The following NRXN3 variants were observed in gnomAD, a reference collection of about 807,000 sequenced individuals.
The protein encoded by NRXN3 is neurexin 3.
Under a neutral mutation model 137.6 loss-of-function variants are expected in NRXN3, and 32 were observed. That is an observed-to-expected ratio of 0.23 (90% CI 0.18 to 0.31). The LOEUF is 0.31. Ranked by LOEUF, NRXN3 falls within the 10% of genes least tolerant of loss-of-function variation. NRXN3 has a pLI of 1.00. For synonymous variants in NRXN3, 798 were observed against 784.5 expected (o/e 1.02, Z -0.29); for missense variants, 1,574 against 2,062.5 (o/e 0.76, Z 4.59).
intron 20 of NRXN3, among the ~76,000 whole-genome samples, chr14:79,839,991 G>C (rs6574528): frequency 0.69 from 102,325 of 147,632 alleles, 39,234 homozygotes; most frequent in Admixed American, 0.77. Context: ...ATGTATGTAT[G>C]TATTTAAACG....
At chr14:78,385,043 T>A (rs944434751) in intron 4 of NRXN3, among the ~76,000 whole-genome samples, 4 of 152,176 alleles carry the variant, frequency 2.6e-5, no homozygotes, top group African/African-American at 7.2e-5. Flanking sequence ...TTAATGGTTG[T>A]CCCATATGCA....
intron 4 of NRXN3, among the ~76,000 whole-genome samples, chr14:78,514,170 C>T (rs1338084618): frequency 6.6e-6 from 1 of 152,104 alleles, no homozygotes; most frequent in African/African-American, 2.4e-5. Flanking sequence ...TTCAGGTTCT[C>T]TCTAGTAAAC....
chr14:78,675,713 G>A (rs971260795), intron 6 of NRXN3, among the ~76,000 whole-genome samples: 9 of 152,078 alleles, frequency 5.9e-5, no homozygotes, highest in Non-Finnish European at 1.3e-4. Flanking sequence ...TTTCTATGGC[G>A]TCTTCTGGGC....
chr14:79,861,521 C>A lies in NRXN3; in HGVS notation c.4273C>A (p.Pro1425Thr). The A allele has an allele frequency of 6.5e-7, 1 of 1,543,900 alleles. No individual in the cohort carries two copies. The highest frequency in any genetic ancestry group is 8.7e-7 in the Non-Finnish European group (1 of 1,148,338). ...CTCGTCTGGGATGGTGCCCAAATTGCCAGCTGGCAAAATGAATAACCGTGA... is the reference window on the plus strand; with the variant it reads ...CTCGTCTGGGATGGTGCCCAAATTGACAGCTGGCAAAATGAATAACCGTGA... ...SSSSGMVPKL[P>T]AGKMNNRDLK... Residue 1425 changes from proline (P) to threonine (T), a missense_variant, in exon 21 of 21, where the codon CCA (proline) becomes ACA (threonine). Pro to Thr is a conservative substitution (Grantham distance 38, BLOSUM62 -1). Transcript: ENST00000335750. The surrounding 1 kb of genome is among the most constrained non-coding windows in gnomAD (Gnocchi z 5.4).
intron 4 of NRXN3, among the ~76,000 whole-genome samples, chr14:78,414,384 C>T (rs937075816): frequency 1.3e-5 from 2 of 152,114 alleles, no homozygotes; most frequent in South Asian, 2.1e-4. Flanking sequence ...CTGTCCTGAT[C>T]TTTGGACCTA....
chr14:79,086,340 A>G (rs1302207889), intron 15 of NRXN3, among the ~76,000 whole-genome samples: 1 of 152,042 alleles, frequency 6.6e-6, no homozygotes, highest in Non-Finnish European at 1.5e-5. Context: ...TTTTTAGACC[A>G]TTTGCCTCTC....
chr14:79,830,906 C>T (rs868021384), intron 20 of NRXN3, among the ~76,000 whole-genome samples: 1 of 152,038 alleles, frequency 6.6e-6, no homozygotes, highest in East Asian at 1.9e-4. Context: ...TTTGGTCCTC[C>T]CTCTCATTCT....
intron 17 of NRXN3, among the ~76,000 whole-genome samples, chr14:79,682,046 T>G (rs2098673209): frequency 1.3e-5 from 2 of 152,206 alleles, no homozygotes; most frequent in African/African-American, 4.8e-5. Context: ...ATTAAGAAAA[T>G]TATCCACATT....
chr14:79,831,024 G>A (rs1014064647), intron 20 of NRXN3, among the ~76,000 whole-genome samples: 3 of 152,016 alleles, frequency 2.0e-5, no homozygotes, highest in Admixed American at 1.3e-4. Flanking sequence ...TTCATTTCAG[G>A]AACGTGTTGA....
rs372281844 is a variant in NRXN3 at position 79,861,849 on chromosome 14, G to A, written c.4601G>A (p.Arg1534Gln). 1 of 1,614,054 alleles carries A rather than the reference G, an allele frequency of 6.2e-7. No homozygotes were observed. Among genetic ancestry groups the A allele is most frequent in the South Asian group, 1.1e-5 (1 of 91,070 alleles). The change falls in exon 21 of 21, where the codon CGG becomes CAG. Residue 1534 changes from arginine (R) to glutamine (Q), a missense_variant. Around this residue, in one of 5 missense-constraint regions of NRXN3, gnomAD observed 320 missense variants for 387.1 expected, o/e 0.83. Coordinates refer to ENST00000335750, the MANE Select transcript of NRXN3 (RefSeq NM_001330195.2). This position sits in a 1 kb window ranked among gnomAD's most constrained non-coding sequence, Gnocchi z 5.4. ...DEGSYQVDET[R>Q]NYISNSAQSN... is the part of the protein sequence containing the mutation. ...GGGTCCTATCAAGTGGACGAGACGCGGAACTACATCAGCAACTCCGCCCAG... is the reference window on the plus strand; with the variant it reads ...GGGTCCTATCAAGTGGACGAGACGCAGAACTACATCAGCAACTCCGCCCAG...
In NRXN3 at chr14:79,749,920, C is replaced by T. The variant is rs575681801; in HGVS notation, c.4014+51983C>T. Among the ~76,000 whole-genome samples the T allele has an allele frequency of 6.6e-5, 10 of 152,194 alleles. No homozygotes were observed. In the South Asian group the frequency reaches 1.7e-3, roughly 25 times the overall value. On this transcript the variant is annotated intron_variant, in intron 19 of 20. Coordinates refer to ENST00000335750, the MANE Select transcript of NRXN3 (RefSeq NM_001330195.2). ...ATTAGCTATGAAAACAAATGAATAACTATGGTTTGGGAAGAAAGACATTGT... is the reference window on the plus strand; with the variant it reads ...ATTAGCTATGAAAACAAATGAATAATTATGGTTTGGGAAGAAAGACATTGT...
chr14:78,886,881 T>C (rs1262756042), intron 10 of NRXN3, among the ~76,000 whole-genome samples: 2 of 152,110 alleles, frequency 1.3e-5, no homozygotes, highest in Non-Finnish European at 2.9e-5. Flanking sequence ...TGGTGAAAAT[T>C]CTCTAAAGTT....
chr14:78,498,871 T>C (rs895906099), intron 4 of NRXN3, among the ~76,000 whole-genome samples: 3 of 151,976 alleles, frequency 2.0e-5, no homozygotes, highest in Non-Finnish European at 4.4e-5. Context: ...AGTGATTCTT[T>C]TGCCTCAGCC....
At chr14:78,796,874 C>T (rs2098823561) in intron 8 of NRXN3, among the ~76,000 whole-genome samples, 1 of 152,112 alleles carries the variant, frequency 6.6e-6, no homozygotes, top group African/African-American at 2.4e-5. Context: ...CAAAATCGTT[C>T]ATTCTTGGTG....
chr14:79,825,911 A>T (rs1364757419), intron 20 of NRXN3, among the ~76,000 whole-genome samples: 2 of 152,190 alleles, frequency 1.3e-5, no homozygotes, highest in South Asian at 4.1e-4. Flanking sequence ...CTGAAAACCT[A>T]ATCACAAAGT....
At chr14:79,014,297 C>T (rs1307142238) in intron 15 of NRXN3, among the ~76,000 whole-genome samples, 2 of 152,164 alleles carry the variant, frequency 1.3e-5, no homozygotes, top group South Asian at 4.1e-4. Flanking sequence ...CTGTCATTCC[C>T]TTCTTTGTAT....
intron 2 of NRXN3, among the ~76,000 whole-genome samples, chr14:78,278,259 G>A (rs897108641): frequency 2.0e-5 from 3 of 152,146 alleles, no homozygotes; most frequent in African/African-American, 4.8e-5. Context: ...ATCCAAAGAC[G>A]GGGAGGAGGA....
intron 15 of NRXN3, among the ~76,000 whole-genome samples, chr14:79,367,219 G>A (rs369790645): frequency 6.6e-6 from 1 of 151,994 alleles, no homozygotes; most frequent in East Asian, 1.9e-4. Flanking sequence ...TCCTGACCTC[G>A]TGATCCACCA....
intron 15 of NRXN3, among the ~76,000 whole-genome samples, chr14:79,069,931 T>C (rs1372026072): frequency 1.3e-5 from 2 of 149,314 alleles, no homozygotes; most frequent in Non-Finnish European, 3.0e-5. Context: ...AAAAGCAATA[T>C]GATAATTTGT....
Sources: gnomAD v4.1 joint callset for allele counts (sites outside exome capture counted in the v4.1 genomes callset) on GRCh38, gnomAD v4.1.1 for gene constraint, gnomAD v4.1.1 regional missense constraint, Gnocchi (gnomAD v3.1) non-coding constraint, MANE v1.5 for transcripts, NCBI Gene and HGNC (gene_info 2026-07-23, HGNC 2026-07-21) for gene names.